Variants in SETD7 observed in about 807,000 individuals in gnomAD.
SETD7 encodes histone-lysine N-methyltransferase SETD7.
In SETD7, 16 loss-of-function variants were observed where a neutral mutation model predicts 41.8. That is an observed-to-expected ratio of 0.38 (90% CI 0.26 to 0.58). SETD7 has a LOEUF of 0.58. Ranked by LOEUF, SETD7 falls within the 20% of genes least tolerant of loss-of-function variation. SETD7 has a pLI of 0.64. For missense variants in SETD7, 346 were observed against 459.7 expected (o/e 0.75, Z 2.26); for synonymous variants, 163 against 169.7 (o/e 0.96, Z 0.31).
intron 3 of SETD7, chr4:139,532,881 T>C: frequency 1.9e-6 from 1 of 514,828 alleles, no homozygotes; most frequent in East Asian, 3.2e-5. Flanking sequence ...TTTGCCTTTA[T>C]TAGTGATACA....
intron 1 of SETD7, among the ~76,000 whole-genome samples, chr4:139,547,686 A>G (rs1728001930): frequency 6.6e-6 from 1 of 152,216 alleles, no homozygotes; most frequent in African/African-American, 2.4e-5. Context: ...TTGTACAAAC[A>G]CAGAAACCCA....
At chr4:139,542,480 T>G (rs1351606872) in intron 2 of SETD7, among the ~76,000 whole-genome samples, 2 of 152,090 alleles carry the variant, frequency 1.3e-5, no homozygotes, top group African/African-American at 4.8e-5. Flanking sequence ...CACAATGTGT[T>G]TATGTATCAA....
intron 4 of SETD7, among the ~76,000 whole-genome samples, chr4:139,525,574 C>A (rs186538284): frequency 6.6e-5 from 10 of 152,256 alleles, no homozygotes; most frequent in Admixed American, 3.9e-4. Flanking sequence ...AGGTGAGAAG[C>A]AGTGGCATAG....
At chr4:139,553,983 G>GCA (rs1728186230) in intron 1 of SETD7, among the ~76,000 whole-genome samples, 1 of 152,180 alleles carries the variant, frequency 6.6e-6, no homozygotes, top group Non-Finnish European at 1.5e-5. Context: ...TACTGCATGT[G>GCA]CACACACACA....
chr4:139,497,573 TTTTTTTTG>T (rs540333213), intron 7 of SETD7, among the ~76,000 whole-genome samples: 81 of 150,984 alleles, frequency 5.4e-4, no homozygotes, highest in Middle Eastern at 3.4e-3. Flanking sequence ...AGTTTTCATG[TTTTTTTTG>T]TTTTTTTGTT....
At chr4:139,519,490 C>T (rs1176426780) in intron 6 of SETD7, among the ~76,000 whole-genome samples, 2 of 152,224 alleles carry the variant, frequency 1.3e-5, no homozygotes, top group African/African-American at 2.4e-5. Flanking sequence ...TTGCATGGGA[C>T]GTAGTCTGAC....
At chr4:139,533,055 A>G in intron 3 of SETD7, 110 bp downstream of exon 3, 1 of 889,846 alleles carries the variant, frequency 1.1e-6, no homozygotes, top group Non-Finnish European at 1.8e-6. Context: ...AGCTGTGGTG[A>G]CTCTCAGGTT....
intron 3 of SETD7, among the ~76,000 whole-genome samples, chr4:139,531,857 G>A (rs1451497025): frequency 1.1e-4 from 16 of 152,140 alleles, no homozygotes; most frequent in African/African-American, 2.9e-4. Context: ...TTGGGAGGCC[G>A]AGGCAAGGAA....
At chr4:139,535,378 G>C (rs1560687338) in intron 2 of SETD7, among the ~76,000 whole-genome samples, 1 of 152,066 alleles carries the variant, frequency 6.6e-6, no homozygotes, top group South Asian at 2.1e-4. Context: ...GGGTGTCCTG[G>C]ATTTAACTAG....
intron 2 of SETD7, among the ~76,000 whole-genome samples, chr4:139,542,069 G>A (rs753301272): frequency 7.2e-5 from 11 of 152,122 alleles, no homozygotes; most frequent in Non-Finnish European, 1.0e-4. Context: ...AAAACAAAAC[G>A]AAATCCTGTC....
At chr4:139,513,704 A>T (rs886091516) in intron 7 of SETD7, among the ~76,000 whole-genome samples, 4 of 152,228 alleles carry the variant, frequency 2.6e-5, no homozygotes, top group Non-Finnish European at 4.4e-5. Flanking sequence ...AGTTCACCTT[A>T]TATCTCTGAA....
rs1026049 is a variant in SETD7 at position 139,509,054 on chromosome 4, C to G, written c.*2609G>C. 0.22 allele frequency: 33,813 copies of G among 152,582 alleles called. 5,077 individuals carry two copies. Among genetic ancestry groups the G allele is most frequent in the African/African-American group, 0.43 (17,647 of 41,412 alleles). The allele number at this position is 152,582 out of a possible 1,614,324, so 9.5% of individuals were successfully genotyped here. ...ACACACAGAGGAAAAGCCAGATGAG[C>G]AGAGTCCCAAAGACATGCACAGAGC... On this transcript the variant is annotated 3_prime_UTR_variant, in exon 8 of 8. Transcript: ENST00000274031.
At chr4:139,552,519 G>A (rs1162017098) in intron 1 of SETD7, among the ~76,000 whole-genome samples, 1 of 152,076 alleles carries the variant, frequency 6.6e-6, no homozygotes, top group Admixed American at 6.6e-5. Flanking sequence ...TCCCGGAGTG[G>A]AGCCTTGATC....
In SETD7 at chr4:139,537,465, G is replaced by A. The variant is rs998412194; in HGVS notation, c.171-4099C>T. Among the ~76,000 whole-genome samples, 10 of 135,336 alleles carry A rather than the reference G, an allele frequency of 7.4e-5. No homozygotes were observed. The South Asian group carries it at 1.5e-3, about 20-fold the overall frequency. The allele number at this position is 135,336 out of a possible 152,430, so 88.8% of individuals were successfully genotyped here. The stretch of plus-strand genomic sequence containing the variant: ...TAAACAGAGCCTACTCATCATCCGC[G>A]GGGAACCTTGTTTTCCTACAAAGTA... On this transcript the variant is annotated intron_variant, in intron 2 of 7. Coordinates refer to ENST00000274031, the MANE Select transcript of SETD7 (RefSeq NM_030648.4).
chr4:139,513,327 C>T (rs886732099), intron 7 of SETD7, among the ~76,000 whole-genome samples: 17 of 150,430 alleles, frequency 1.1e-4, no homozygotes, highest in Admixed American at 5.3e-4. Context: ...GGCTGAAGCA[C>T]GAGAATCGCT....
chr4:139,502,179 G>A (rs2111110045), downstream of SETD7, among the ~76,000 whole-genome samples: 1 of 152,282 alleles, frequency 6.6e-6, no homozygotes, highest in South Asian at 2.1e-4. Context: ...TTTATTGAGT[G>A]CTTACAGTGT....
chr4:139,524,451 C>T (rs1343007299), intron 4 of SETD7, among the ~76,000 whole-genome samples: 1 of 152,186 alleles, frequency 6.6e-6, no homozygotes, highest in African/African-American at 2.4e-5. Context: ...CACTGGAGGC[C>T]GGAGGGACAG....
chr4:139,505,944 G>A (rs1726691949), downstream of SETD7: 1 of 152,560 alleles, frequency 6.6e-6, no homozygotes, highest in Admixed American at 6.5e-5. Context: ...AAAATGTAAA[G>A]TTCACTTAGT....
At chr4:139,498,687 T>C (rs1164715132) in intron 7 of SETD7, among the ~76,000 whole-genome samples, 1 of 152,184 alleles carries the variant, frequency 6.6e-6, no homozygotes, top group Non-Finnish European at 1.5e-5. Context: ...TGCCCTTCTG[T>C]CTCTGAGTCC....
Sources: allele counts gnomAD v4.1 joint callset (sites outside exome capture counted in the v4.1 genomes callset), GRCh38; gene constraint gnomAD v4.1.1; transcripts MANE v1.5; gene names NCBI Gene and HGNC (gene_info 2026-07-23, HGNC 2026-07-21).